MED17: variants seen among roughly 807,000 people sequenced by gnomAD.
MED17 encodes mediator complex subunit 17, also known as mediator of RNA polymerase II transcription subunit 17.
MED17 carries 49 observed loss-of-function variants against 80.8 expected under a neutral mutation model. The observed-to-expected ratio is 0.61, with a 90% CI of 0.48 to 0.77. The LOEUF is 0.77. Ranked by LOEUF, MED17 falls within the 30% of genes least tolerant of loss-of-function variation. MED17 has a pLI of 0.00. For synonymous variants in MED17, 281 were observed against 280.4 expected (o/e 1.00, Z -0.02); for missense variants, 718 against 787.0 (o/e 0.91, Z 1.05).
At chr11:93,788,296 A>G (rs1943791840) in intron 2 of MED17, 129 bp downstream of exon 2, 1 of 751,052 alleles carries the variant, frequency 1.3e-6, no homozygotes, top group African/African-American at 1.8e-5. Flanking sequence ...TTAAAGACTA[A>G]CTGGTCTAAA....
chr11:93,809,558 C>A, intron 10 of MED17, 159 bp from the exon 11 acceptor site: 1 of 745,642 alleles, frequency 1.3e-6, no homozygotes, highest in Non-Finnish European at 2.3e-6. Flanking sequence ...GTCCTATTCC[C>A]TCCCCCTAAG....
intron 8 of MED17, among the ~76,000 whole-genome samples, chr11:93,798,974 G>A (rs1943934108): frequency 6.6e-6 from 1 of 152,106 alleles, no homozygotes; most frequent in Non-Finnish European, 1.5e-5. Flanking sequence ...AGTAGTAAGT[G>A]TAGCCTTGGA....
intron 9 of MED17, among the ~76,000 whole-genome samples, chr11:93,803,999 G>GTGTATATATA (rs1555034255): frequency 3.7e-5 from 1 of 27,130 alleles, no homozygotes; most frequent in Non-Finnish European, 9.2e-5. Flanking sequence ...ATATGTGTGT[G>GTGTATATATA]TATATATATA....
chr11:93,812,410 C>A lies in MED17; in HGVS notation c.*346C>A. On this transcript the variant is annotated 3_prime_UTR_variant, in exon 12 of 12. Transcript: ENST00000251871. ...AAAGTATGTGGTTTAAAAAAATCTCCAAATACCTTTTTTTCCCCCCAAATA... is the reference window on the plus strand; with the variant it reads ...AAAGTATGTGGTTTAAAAAAATCTCAAAATACCTTTTTTTCCCCCCAAATA... 2 of 491,690 alleles carry A rather than the reference C, an allele frequency of 4.1e-6. No individual in the cohort carries two copies. Among genetic ancestry groups the A allele is most frequent in the Non-Finnish European group, 3.5e-6 (1 of 283,866 alleles). 30.5% of individuals were successfully genotyped at this position (491,690 alleles called of 1,614,324 possible). A position where few individuals can be genotyped will look rare whatever the true frequency, so the allele number is the denominator to read the frequency against.
At chr11:93,799,164 T>A (rs1057365311) in intron 8 of MED17, among the ~76,000 whole-genome samples, 2 of 147,006 alleles carry the variant, frequency 1.4e-5, no homozygotes, top group Non-Finnish European at 3.0e-5. Context: ...AGTGAGACCT[T>A]GTCTCTACAA....
At chr11:93,798,947 A>G (rs1017329590) in intron 8 of MED17, among the ~76,000 whole-genome samples, 1 of 152,220 alleles carries the variant, frequency 6.6e-6, no homozygotes, top group Non-Finnish European at 1.5e-5. Flanking sequence ...TATTTTTATA[A>G]CCATTATAAA....
In MED17 at chr11:93,811,839, GT is replaced by G. The variant is rs1944087631; in HGVS notation, c.1745-9del. 1 of 1,612,970 alleles carries G rather than the reference GT, an allele frequency of 6.2e-7. No individual in the cohort carries two copies. Among genetic ancestry groups the G allele is most frequent in the Non-Finnish European group, 8.5e-7 (1 of 1,179,044 alleles). On this transcript the variant is annotated splice_polypyrimidine_tract_variant and intron_variant, in intron 11 of 11. Coordinates refer to ENST00000251871, the MANE Select transcript of MED17 (RefSeq NM_004268.5). ...TAAACTAGAGTGTATTGATATTTTG[GT>G]TTTTCTCCACAGTTCGTAATGGACC...
Position 93,790,648 on chromosome 11 carries a change from A to G in MED17, c.492A>G (p.Ala164=). The G allele has an allele frequency of 6.2e-7, 1 of 1,614,252 alleles. No individual in the cohort carries two copies. The highest frequency in any genetic ancestry group is 1.1e-5 in the South Asian group (1 of 91,084). The change falls in exon 3 of 12, where the codon GCA becomes GCG. Residue 164 remains alanine (A), a synonymous_variant. Transcript: ENST00000251871. ...AGAAQILLKG[A]ERLTKSVTEN... ...CAGCACAAATCTTATTGAAGGGGGC[A>G]GAAAGACTGACTAAATCAGTTACCG...
In MED17 at chr11:93,793,786, G is replaced by A. The variant is rs779697101; in HGVS notation, c.696G>A (p.Leu232=). Residue 232 remains leucine, a synonymous_variant, in exon 4 of 12, where the codon CTG becomes CTA. Coordinates refer to ENST00000251871, the MANE Select transcript of MED17 (RefSeq NM_004268.5). The part of the protein sequence containing the change: ...FEVIKNTDLD[L]DKKIPEDYCP... ...TAATAAAGAATACAGATCTCGATCT[G>A]GATAAAAAGATACCTGAAGATTACT... 21 of 1,599,820 alleles carry A rather than the reference G, an allele frequency of 1.3e-5. No individual in the cohort carries two copies. Among genetic ancestry groups the A allele is most frequent in the Non-Finnish European group, 1.7e-5 (20 of 1,167,724 alleles).
intron 1 of MED17, among the ~76,000 whole-genome samples, chr11:93,785,864 C>G (rs78649131): frequency 0.011 from 1,668 of 152,104 alleles, 33 homozygotes; most frequent in African/African-American, 0.038. Flanking sequence ...ATTAGCTGGG[C>G]GTGGTGGTGC....
chr11:93,789,471 C>G (rs1242747070), intron 2 of MED17: 1 of 152,064 alleles, frequency 6.6e-6, no homozygotes. Flanking sequence ...TTTACGTTCC[C>G]TAATACAATC....
At chr11:93,792,874 G>T (rs1943853583) in intron 3 of MED17, among the ~76,000 whole-genome samples, 1 of 152,146 alleles carries the variant, frequency 6.6e-6, no homozygotes, top group African/African-American at 2.4e-5. Flanking sequence ...CTAGGAGTTT[G>T]AGGCTGCAGT....
Position 93,809,860 on chromosome 11 carries a change from T to C in MED17, c.1728T>C (p.Gly576=). The change falls in exon 11 of 12, where the codon GGT becomes GGC. Residue 576 remains glycine (G), a synonymous_variant. Coordinates refer to ENST00000251871, the MANE Select transcript of MED17 (RefSeq NM_004268.5). ...CCATCACGGTGGCCTCCCCAAGTGG[T>C]GACTATGCTATTTCAGGTACTTTCT... is the stretch of plus-strand genomic sequence containing the variant. ...ASAITVASPS[G]DYAISVRNGP... The C allele has an allele frequency of 6.2e-7, 1 of 1,614,192 alleles. No homozygotes were observed. The highest frequency in any genetic ancestry group is 8.5e-7 in the Non-Finnish European group (1 of 1,180,038).
In MED17 at chr11:93,784,493, C is replaced by T. The variant is rs751695462; in HGVS notation, c.-21C>T. On this transcript the variant is annotated 5_prime_UTR_variant, in exon 1 of 12. Coordinates refer to ENST00000251871, the MANE Select transcript of MED17 (RefSeq NM_004268.5). Reference sequence around the variant, plus strand: ...TTTTGGCTCGTGGGGGGTCCTCCCACCGCTGGCCGACGCAGCCAGCATGTC... The same window carrying T: ...TTTTGGCTCGTGGGGGGTCCTCCCATCGCTGGCCGACGCAGCCAGCATGTC... 4 of 1,588,148 alleles carry T rather than the reference C, an allele frequency of 2.5e-6. No homozygotes were observed. The highest frequency in any genetic ancestry group is 1.3e-5 in the African/African-American group (1 of 74,562).
Position 93,794,942 on chromosome 11 carries a change from A to G in MED17, c.894A>G (p.Ala298=), listed in dbSNP as rs1174652952. Residue 298 remains alanine, a synonymous_variant, in exon 6 of 12, where the codon GCA becomes GCG. Transcript: ENST00000251871. ...SPHWQTKLEA[A]QNVLLCKEIF... is the part of the protein sequence containing the mutation. ...ATTGGCAGACAAAATTAGAAGCGGCACAGAATGTTCTCTTATGTAAAGAAA... is the reference window on the plus strand; with the variant it reads ...ATTGGCAGACAAAATTAGAAGCGGCGCAGAATGTTCTCTTATGTAAAGAAA... The G allele has an allele frequency of 6.2e-7, 1 of 1,614,094 alleles. No individual in the cohort carries two copies. Among genetic ancestry groups the G allele is most frequent in the African/African-American group, 1.3e-5 (1 of 74,932 alleles).
rs140796128 is a variant in MED17, at chr11:93,802,836, A to G, written c.1466+864A>G. Among the ~76,000 whole-genome samples, 836 of 152,308 alleles carry G rather than the reference A, an allele frequency of 5.5e-3. 10 individuals are homozygous for G. Among genetic ancestry groups the G allele is most frequent in the African/African-American group, 0.019 (795 of 41,574 alleles). On this transcript the variant is annotated intron_variant, in intron 9 of 11. Coordinates refer to ENST00000251871, the MANE Select transcript of MED17 (RefSeq NM_004268.5). ...GTTTTTGTCCCCAGGCTTCATAGGAATGCAGTCTACTTGATTTACATTCAC... is the reference window on the plus strand; with the variant it reads ...GTTTTTGTCCCCAGGCTTCATAGGAGTGCAGTCTACTTGATTTACATTCAC...
Position 93,802,279 on chromosome 11 carries a change from T to A in MED17, c.1466+307T>A, listed in dbSNP as rs542907986. 3.0e-4 allele frequency among the ~76,000 whole-genome samples: 46 copies of A among 152,070 alleles called. No homozygotes were observed. In the East Asian group the frequency reaches 3.5e-3, roughly 11 times the overall value. On this transcript the variant is annotated intron_variant, in intron 9 of 11. Coordinates refer to ENST00000251871, the MANE Select transcript of MED17 (RefSeq NM_004268.5). ...CCCCATGCCCAGCTAATTAAAAAAA[T>A]TTTTTTTAAGAAACATGTCTATGTT...
Position 93,784,419 on chromosome 11 carries a change from T to G in MED17, c.-95T>G. 1 of 1,472,690 alleles carries G rather than the reference T, an allele frequency of 6.8e-7. No homozygotes were observed. Among genetic ancestry groups the G allele is most frequent in the Admixed American group, 2.3e-5 (1 of 42,736 alleles). The allele number at this position is 1,472,690 out of a possible 1,614,324, so 91.2% of individuals were successfully genotyped here. ...CTTCTGAGGCACCGCGGCTGCGGGC[T>G]TCTGAGTTCCCGGCTCTCCGCAGGG... On this transcript the variant is annotated 5_prime_UTR_variant, in exon 1 of 12. Coordinates refer to ENST00000251871, the MANE Select transcript of MED17 (RefSeq NM_004268.5).
In MED17 at chr11:93,790,791, C is replaced by A; in HGVS notation, c.635C>A (p.Ala212Glu). ...KILGDLSYRS[A>E]GSLFPHHGTF... ...CTCGGAGATCTGAGCTACAGAAGTG[C>A]AGGTATGAATAATTATTAAAAACTA... is the stretch of plus-strand genomic sequence containing the variant. Residue 212 changes from alanine to glutamate, a missense_variant and splice_region_variant, in exon 3 of 12, where the codon GCA (alanine) becomes GAA (glutamate). Ala to Glu is a moderately radical substitution (Grantham distance 107, BLOSUM62 -1). Coordinates refer to ENST00000251871, the MANE Select transcript of MED17 (RefSeq NM_004268.5). The A allele has an allele frequency of 3.1e-6, 5 of 1,612,500 alleles. No homozygotes were observed. Among genetic ancestry groups the A allele is most frequent in the Non-Finnish European group, 4.2e-6 (5 of 1,178,592 alleles).
Sources: allele counts gnomAD v4.1 joint callset (sites outside exome capture counted in the v4.1 genomes callset), GRCh38; gene constraint gnomAD v4.1.1; transcripts MANE v1.5; gene names NCBI Gene and HGNC (gene_info 2026-07-23, HGNC 2026-07-21).